EXOC4: variants seen among roughly 807,000 people sequenced by gnomAD.
EXOC4 encodes SEC8-like 1.
In EXOC4, 71 loss-of-function variants were observed where a neutral mutation model predicts 107.2. That is an observed-to-expected ratio of 0.66 (90% confidence interval 0.55 to 0.81). EXOC4 has a LOEUF of 0.81. Ranked by LOEUF, EXOC4 falls within the 30% of genes least tolerant of loss-of-function variation. EXOC4 has a pLI of 0.00. For synonymous variants in EXOC4, 456 were observed against 441.2 expected, an observed-to-expected ratio of 1.03 and a Z score of -0.42; for missense variants, 1,108 against 1,189.6, an observed-to-expected ratio of 0.93 and a Z score of 1.01.
At chr7:133,313,744 G>A (rs965984675) in intron 4 of EXOC4, among the ~76,000 whole-genome samples, 4 of 152,194 alleles carry the variant, frequency 2.6e-5, no homozygotes, top group Admixed American at 6.5e-5. Flanking sequence ...CTAGTTGGAT[G>A]TTGGTTAATG....
chr7:133,799,164 C>A (rs1387878705), intron 10 of EXOC4, among the ~76,000 whole-genome samples: 1 of 152,168 alleles, frequency 6.6e-6, no homozygotes, highest in East Asian at 1.9e-4. Flanking sequence ...GTAAATATAA[C>A]CCAGCTACAT....
At chr7:133,991,095 T>G (rs1794247011) in intron 14 of EXOC4, among the ~76,000 whole-genome samples, 1 of 152,208 alleles carries the variant, frequency 6.6e-6, no homozygotes, top group African/African-American at 2.4e-5. Flanking sequence ...TTTGTCTTTT[T>G]TATAATAGTC....
At chr7:133,955,775 A>G (rs960555557) in intron 14 of EXOC4, among the ~76,000 whole-genome samples, 14 of 152,240 alleles carry the variant, frequency 9.2e-5, no homozygotes, top group Non-Finnish European at 1.6e-4. Context: ...GCCAGCACCC[A>G]AAGGCCAGAA....
chr7:133,436,807 G>A (rs1347255245), intron 7 of EXOC4, among the ~76,000 whole-genome samples: 1 of 152,118 alleles, frequency 6.6e-6, no homozygotes, highest in East Asian at 1.9e-4. Flanking sequence ...ATTTTAGCTT[G>A]TAGGAAATGC....
chr7:133,593,546 A>G (rs1801597595), intron 9 of EXOC4, among the ~76,000 whole-genome samples: 1 of 152,200 alleles, frequency 6.6e-6, no homozygotes, highest in African/African-American at 2.4e-5. Flanking sequence ...TAACTGATGA[A>G]GTTCAGTTGT....
chr7:133,736,843 C>T (rs571629508), intron 10 of EXOC4, among the ~76,000 whole-genome samples: 77 of 152,298 alleles, frequency 5.1e-4, no homozygotes, highest in African/African-American at 1.8e-3. Flanking sequence ...TTTCCCCAAA[C>T]CCAGAATCCT....
intron 10 of EXOC4, among the ~76,000 whole-genome samples, chr7:133,795,052 G>A (rs1039628926): frequency 8.6e-5 from 13 of 151,476 alleles, no homozygotes; most frequent in Admixed American, 3.9e-4. Context: ...TAAATGGTAC[G>A]TTGAAGAGAC....
At chr7:133,518,978 T>A (rs565580556) in intron 9 of EXOC4, among the ~76,000 whole-genome samples, 5 of 152,108 alleles carry the variant, frequency 3.3e-5, no homozygotes. Context: ...ATAGTAAAAA[T>A]GGTAATTTTT....
At chr7:133,778,007 C>A (rs750037067) in intron 10 of EXOC4, among the ~76,000 whole-genome samples, 1 of 152,078 alleles carries the variant, frequency 6.6e-6, no homozygotes, top group Non-Finnish European at 1.5e-5. Flanking sequence ...ATTCATTCTC[C>A]GTCTTCCATT....
intron 10 of EXOC4, among the ~76,000 whole-genome samples, chr7:133,698,622 AT>A (rs1474173650): frequency 6.6e-6 from 1 of 151,936 alleles, no homozygotes; most frequent in African/African-American, 2.4e-5. Context: ...ATATACAACT[AT>A]TTTTTCACAC....
intron 7 of EXOC4, among the ~76,000 whole-genome samples, chr7:133,463,671 G>A (rs1798647341): frequency 1.3e-5 from 2 of 152,126 alleles, no homozygotes; most frequent in African/African-American, 4.8e-5. Flanking sequence ...TACTCAAGTA[G>A]TTAGGTTGTA....
At chr7:133,544,122 A>T (rs1800434459) in intron 9 of EXOC4, among the ~76,000 whole-genome samples, 1 of 152,252 alleles carries the variant, frequency 6.6e-6, no homozygotes, top group East Asian at 1.9e-4. Flanking sequence ...AGTATTAAGA[A>T]ATCAGCATAT....
At chr7:133,738,789 A>G (rs1795500900) in intron 10 of EXOC4, among the ~76,000 whole-genome samples, 1 of 152,220 alleles carries the variant, frequency 6.6e-6, no homozygotes, top group Non-Finnish European at 1.5e-5. Flanking sequence ...TACCATGTGA[A>G]CCAGCATGCC....
chr7:134,060,455 A>G (rs1290172012), intron 17 of EXOC4, among the ~76,000 whole-genome samples: 1 of 152,230 alleles, frequency 6.6e-6, no homozygotes, highest in Non-Finnish European at 1.5e-5. Flanking sequence ...CACTGATCCC[A>G]TCCAGGCAGC....
chr7:134,007,655 C>T (rs760186721), intron 16 of EXOC4, 21 bp from the exon 17 acceptor site: 14 of 1,585,514 alleles, frequency 8.8e-6, no homozygotes, highest in Middle Eastern at 3.4e-4. Flanking sequence ...TTCTTTGCCC[C>T]GCACTGTGCT....
chr7:133,573,162 G>A (rs1321601052), intron 9 of EXOC4, among the ~76,000 whole-genome samples: 1 of 152,148 alleles, frequency 6.6e-6, no homozygotes, highest in African/African-American at 2.4e-5. Context: ...TTTCTGTGGA[G>A]TTGTCTGATT....
At chr7:133,620,623 A>C (rs867641262) in intron 9 of EXOC4, among the ~76,000 whole-genome samples, 1 of 152,210 alleles carries the variant, frequency 6.6e-6, no homozygotes, top group African/African-American at 2.4e-5. Flanking sequence ...TTATTCTTCC[A>C]TAAAAGGAAA....
chr7:133,951,486 A>G (rs1025003973), intron 14 of EXOC4, among the ~76,000 whole-genome samples: 2 of 152,056 alleles, frequency 1.3e-5, no homozygotes, highest in African/African-American at 4.8e-5. Flanking sequence ...TCTTCCTGAG[A>G]CTATTTTATT....
chr7:133,795,461 A>C (rs2151189086), intron 10 of EXOC4, among the ~76,000 whole-genome samples: 1 of 152,306 alleles, frequency 6.6e-6, no homozygotes, highest in African/African-American at 2.4e-5. Flanking sequence ...ACTGAGAAAA[A>C]GGCAAATCAT....
Sources: allele counts gnomAD v4.1 joint callset (sites outside exome capture counted in the v4.1 genomes callset), GRCh38; gene constraint gnomAD v4.1.1; transcripts MANE v1.5; gene names NCBI Gene and HGNC (gene_info 2026-07-23, HGNC 2026-07-21).